The following FAAH2 variants were observed in gnomAD, a reference collection of about 807,000 sequenced individuals.
FAAH2 encodes the protein fatty-acid amide hydrolase 2.
A neutral mutation model predicts 36.9 loss-of-function variants in FAAH2; 60 were observed. The ratio of observed to expected loss-of-function variants is 1.63; its 90% CI spans 1.32 to 2.02. The LOEUF is 2.02. Ranked by LOEUF, FAAH2 falls within the 30% of genes most tolerant of loss-of-function variation. The pLI is 0.00. For synonymous variants in FAAH2, 214 were observed against 143.8 expected, an observed-to-expected ratio of 1.49 and a Z score of -3.49; for missense variants, 689 against 397.5, an observed-to-expected ratio of 1.73 and a Z score of -6.23.
intron 3 of FAAH2, among the ~76,000 whole-genome samples, chrX:57,315,091 A>G (rs2052799176): frequency 9.0e-6 from 1 of 111,631 alleles, no homozygotes; most frequent in Admixed American, 9.5e-5. Context: ...TAACATTACA[A>G]CTTATTTCAT....
At chrX:57,422,756 C>A (rs1201494199) in intron 7 of FAAH2, among the ~76,000 whole-genome samples, 3 of 111,606 alleles carry the variant, frequency 2.7e-5, no homozygotes, top group African/African-American at 6.5e-5. Flanking sequence ...CACAAGGACA[C>A]TCTGGGAGGC....
At chrX:57,193,559 G>A in the FAAH2 span, among the ~76,000 whole-genome samples, 1 of 111,306 alleles carries the variant, frequency 9.0e-6, no homozygotes, top group Non-Finnish European at 1.9e-5. Context: ...TGCTGGTTTT[G>A]CAGCTTGTGG....
At chrX:57,391,412 AT>A (rs1028236142) in intron 7 of FAAH2, among the ~76,000 whole-genome samples, 200 of 107,262 alleles carry the variant, frequency 1.9e-3, no homozygotes, top group African/African-American at 5.6e-3. Context: ...AGTTTTTTCT[AT>A]TTTTTTTTCT....
the FAAH2 span, among the ~76,000 whole-genome samples, chrX:57,267,663 C>T: frequency 1.5e-4 from 17 of 111,899 alleles, no homozygotes; most frequent in Admixed American, 1.5e-3. Flanking sequence ...GACTCCAAAC[C>T]TCAAGGAGCC....
At chrX:57,242,723 C>T in the FAAH2 span, among the ~76,000 whole-genome samples, 1 of 112,064 alleles carries the variant, frequency 8.9e-6, no homozygotes, top group Admixed American at 9.4e-5. Flanking sequence ...TGGTGCATTC[C>T]AACCCACATA....
the FAAH2 span, among the ~76,000 whole-genome samples, chrX:57,191,590 A>C: frequency 8.7e-4 from 97 of 111,933 alleles, no homozygotes; most frequent in African/African-American, 3.1e-3. Context: ...GAATTTCCCC[A>C]AAGTTTTCTT....
the FAAH2 span, among the ~76,000 whole-genome samples, chrX:57,165,304 T>G: frequency 8.9e-6 from 1 of 112,322 alleles, no homozygotes; most frequent in Non-Finnish European, 1.9e-5. Flanking sequence ...TGTCCAACAA[T>G]GATAGACTGG....
At chrX:57,261,258 T>C in the FAAH2 span, among the ~76,000 whole-genome samples, 1 of 110,951 alleles carries the variant, frequency 9.0e-6, no homozygotes, top group Non-Finnish European at 1.9e-5. Context: ...TAAAAAACAA[T>C]TTTGTGGAGT....
chrX:57,484,423 T>G (rs1299233928), intron 10 of FAAH2, among the ~76,000 whole-genome samples: 2 of 111,201 alleles, frequency 1.8e-5, no homozygotes, highest in African/African-American at 6.5e-5. Context: ...GGGGATGCAC[T>G]GCCTTCATGT....
chrX:57,165,032 ATT>A, the FAAH2 span, among the ~76,000 whole-genome samples: 2 of 112,219 alleles, frequency 1.8e-5, no homozygotes, highest in Non-Finnish European at 3.8e-5. Context: ...TGGGCATAGC[ATT>A]TTCTTTGGCC....
the FAAH2 span, among the ~76,000 whole-genome samples, chrX:57,220,651 G>A: frequency 3.6e-5 from 4 of 112,249 alleles, no homozygotes; most frequent in Admixed American, 1.9e-4. Flanking sequence ...CAGGGGCCCT[G>A]CAGGCCCACG....
the FAAH2 span, among the ~76,000 whole-genome samples, chrX:57,165,581 C>T: frequency 4.3e-3 from 480 of 110,625 alleles, 1 homozygote; most frequent in African/African-American, 0.015. Context: ...GGGAGATATA[C>T]CTAATGCTAG....
intron 10 of FAAH2, among the ~76,000 whole-genome samples, chrX:57,478,029 C>T (rs1017403227): frequency 8.9e-6 from 1 of 111,802 alleles, no homozygotes; most frequent in Non-Finnish European, 1.9e-5. Flanking sequence ...GAGTCAAATG[C>T]TATTTCTAGT....
chrX:57,198,569 C>A, the FAAH2 span, among the ~76,000 whole-genome samples: 1 of 112,612 alleles, frequency 8.9e-6, no homozygotes, highest in Non-Finnish European at 1.9e-5. Context: ...ATGCTCATAT[C>A]TGTACTTCTC....
At chrX:57,276,909 G>T in the FAAH2 span, among the ~76,000 whole-genome samples, 2 of 111,236 alleles carry the variant, frequency 1.8e-5, no homozygotes, top group Non-Finnish European at 3.8e-5. Context: ...CTAATAACAG[G>T]CTCTGAAACT....
intron 5 of FAAH2, among the ~76,000 whole-genome samples, chrX:57,356,777 AT>A (rs936219195): frequency 1.3e-4 from 14 of 109,906 alleles, no homozygotes; most frequent in African/African-American, 4.6e-4. Flanking sequence ...TTTAATTTTA[AT>A]TTTTATTATT....
the FAAH2 span, among the ~76,000 whole-genome samples, chrX:57,202,570 G>A: frequency 1.8e-5 from 2 of 111,897 alleles, no homozygotes; most frequent in Non-Finnish European, 3.8e-5. Flanking sequence ...CATTAGGACT[G>A]CATGGGGACA....
intron 10 of FAAH2, among the ~76,000 whole-genome samples, chrX:57,470,335 A>G (rs1206199252): frequency 9.0e-6 from 1 of 111,692 alleles, no homozygotes; most frequent in Non-Finnish European, 1.9e-5. Context: ...AAGATCAACA[A>G]AATTGATAGA....
At chrX:57,441,936 T>C (rs1415207006) in intron 8 of FAAH2, among the ~76,000 whole-genome samples, 1 of 112,015 alleles carries the variant, frequency 8.9e-6, no homozygotes, top group Non-Finnish European at 1.9e-5. Context: ...AGTTACTTAA[T>C]CCTGAGTTCT....
Sources: allele counts gnomAD v4.1 joint callset (sites outside exome capture counted in the v4.1 genomes callset), GRCh38; gene constraint gnomAD v4.1.1; transcripts MANE v1.5; gene names NCBI Gene and HGNC (gene_info 2026-07-23, HGNC 2026-07-21).